Variants in KCNJ6 observed in about 807,000 individuals in gnomAD.
KCNJ6 encodes the protein potassium inwardly rectifying channel subfamily J member 6, also known as G protein-activated inward rectifier potassium channel 2.
A neutral mutation model predicts 34.2 loss-of-function variants in KCNJ6; 9 were observed. That is an observed-to-expected ratio of 0.26 (90% CI 0.16 to 0.46). The LOEUF is 0.46. KCNJ6 is among the 20% of genes least tolerant of loss of function. The pLI is 1.00. For synonymous variants in KCNJ6, 196 were observed against 207.1 expected (o/e 0.95, Z 0.46); for missense variants, 236 against 531.3 (o/e 0.44, Z 5.46).
intron 1 of KCNJ6, among the ~76,000 whole-genome samples, chr21:37,874,809 C>T (rs2055669687): frequency 6.6e-6 from 1 of 152,182 alleles, no homozygotes; most frequent in Non-Finnish European, 1.5e-5. Context: ...TTAGAAAGCC[C>T]TTTAAACACA....
intron 1 of KCNJ6, among the ~76,000 whole-genome samples, chr21:37,869,813 C>T (rs2055641206): frequency 1.3e-5 from 2 of 152,220 alleles, no homozygotes; most frequent in African/African-American, 2.4e-5. Flanking sequence ...TACCACTGGC[C>T]TATTGGTTGA....
Position 37,800,387 on chromosome 21 carries a change from T to C in KCNJ6, c.25+40271A>G, listed in dbSNP as rs947366701. 2.6e-5 allele frequency among the ~76,000 whole-genome samples: 4 copies of C among 152,184 alleles called. No homozygotes were observed. The East Asian group carries it at 5.8e-4, about 22-fold the overall frequency. On this transcript the variant is annotated intron_variant, in intron 2 of 3. Transcript: ENST00000609713. ...ACAATGAAAATGTCCAGTGTTACATTGTGGGGACTTTATCCCAAAAACTGA... is the reference window on the plus strand; with the variant it reads ...ACAATGAAAATGTCCAGTGTTACATCGTGGGGACTTTATCCCAAAAACTGA...
At chr21:37,701,888 A>C (rs1157209145) in intron 3 of KCNJ6, among the ~76,000 whole-genome samples, 1 of 152,152 alleles carries the variant, frequency 6.6e-6, no homozygotes, top group Non-Finnish European at 1.5e-5. Context: ...GTGAAAATCC[A>C]CTGGAGGGTT....
intron 2 of KCNJ6, among the ~76,000 whole-genome samples, chr21:37,824,435 G>A (rs115918468): frequency 7.6e-4 from 104 of 137,082 alleles, no homozygotes; most frequent in African/African-American, 2.7e-3. Flanking sequence ...ATTCTGTTCT[G>A]TAGATGAAAA....
chr21:37,756,365 C>G (rs907593099), intron 2 of KCNJ6, among the ~76,000 whole-genome samples: 1 of 152,216 alleles, frequency 6.6e-6, no homozygotes, highest in African/African-American at 2.4e-5. Context: ...GGGCCACAGA[C>G]CCCACGGTCA....
intron 2 of KCNJ6, among the ~76,000 whole-genome samples, chr21:37,774,069 T>A (rs2055130348): frequency 6.6e-6 from 1 of 152,178 alleles, no homozygotes; most frequent in Non-Finnish European, 1.5e-5. Flanking sequence ...TGAAGATGGA[T>A]TCTGTGTCCT....
At chr21:37,758,319 A>C (rs1041626171) in intron 2 of KCNJ6, among the ~76,000 whole-genome samples, 2 of 152,042 alleles carry the variant, frequency 1.3e-5, no homozygotes, top group African/African-American at 4.8e-5. Context: ...CATTGGTGGG[A>C]GTGTGTGTAG....
chr21:37,733,563 G>T (rs766069342), intron 2 of KCNJ6, among the ~76,000 whole-genome samples: 1 of 152,158 alleles, frequency 6.6e-6, no homozygotes, highest in Admixed American at 6.5e-5. Context: ...TTGGTCAACA[G>T]CTTATGCTAC....
chr21:37,793,612 G>A (rs746895192), intron 2 of KCNJ6, among the ~76,000 whole-genome samples: 2 of 149,978 alleles, frequency 1.3e-5, no homozygotes, highest in Non-Finnish European at 3.0e-5. Flanking sequence ...CTAAATGCCA[G>A]TCTCTCTATT....
intron 2 of KCNJ6, among the ~76,000 whole-genome samples, chr21:37,815,666 T>C (rs1279737220): frequency 6.6e-6 from 1 of 152,202 alleles, no homozygotes; most frequent in Non-Finnish European, 1.5e-5. Flanking sequence ...AGGTGGTCTA[T>C]GGAACAGCTC....
chr21:37,615,292 G>T lies in KCNJ6; in HGVS notation c.*9867C>A, dbSNP rs1412590706. 1 of 134,976 alleles carries T rather than the reference G, an allele frequency of 7.4e-6. No individual in the cohort carries two copies. Among genetic ancestry groups the T allele is most frequent in the Admixed American group, 8.0e-5 (1 of 12,472 alleles). 8.4% of individuals were successfully genotyped at this position (134,976 alleles called of 1,614,324 possible). On this transcript the variant is annotated 3_prime_UTR_variant, in exon 4 of 4. Transcript: ENST00000609713. ...TTTTGAGACGGAGTCTCGCTCTGTC[G>T]CCCAGGTCGGACTGCGGACTGCAGT...
chr21:37,834,686 TTC>T (rs1262688373), intron 2 of KCNJ6, among the ~76,000 whole-genome samples: 1 of 152,276 alleles, frequency 6.6e-6, no homozygotes, highest in Non-Finnish European at 1.5e-5. Flanking sequence ...TTGTAATTGG[TTC>T]TCTGTCTTCA....
chr21:37,834,319 C>T (rs1397139689), intron 2 of KCNJ6, among the ~76,000 whole-genome samples: 1 of 152,254 alleles, frequency 6.6e-6, no homozygotes, highest in Non-Finnish European at 1.5e-5. Flanking sequence ...TGTCTTCCTG[C>T]ATGACGTTCT....
intron 2 of KCNJ6, among the ~76,000 whole-genome samples, chr21:37,742,754 C>G (rs2054947556): frequency 6.6e-6 from 1 of 152,174 alleles, no homozygotes; most frequent in Non-Finnish European, 1.5e-5. Flanking sequence ...AGATTGGGCT[C>G]TCTCTAATTC....
At chr21:37,781,973 G>A (rs1218006027) in intron 2 of KCNJ6, among the ~76,000 whole-genome samples, 1 of 152,202 alleles carries the variant, frequency 6.6e-6, no homozygotes, top group African/African-American at 2.4e-5. Flanking sequence ...ACTTTACATG[G>A]CAAAAGGGAC....
chr21:37,801,731 A>AC (rs1555845566), intron 2 of KCNJ6, among the ~76,000 whole-genome samples: 13 of 151,576 alleles, frequency 8.6e-5, no homozygotes, highest in African/African-American at 3.1e-4. Context: ...CAGCACTGTG[A>AC]TTTTTTTTAA....
Position 37,789,973 on chromosome 21 carries a change from A to C in KCNJ6, c.25+50685T>G, listed in dbSNP as rs145831517. ...ACATACCCAGGTGTGTGAGTGATAG[A>C]GTTGGGGGAAGAGCCAGAGATCTAT... is the stretch of plus-strand genomic sequence containing the variant. On this transcript the variant is annotated intron_variant, in intron 2 of 3. Coordinates refer to ENST00000609713, the MANE Select transcript of KCNJ6 (RefSeq NM_002240.5). Among the ~76,000 whole-genome samples the C allele has an allele frequency of 5.3e-5, 8 of 152,232 alleles. No individual in the cohort carries two copies. In the East Asian group the frequency reaches 9.7e-4, roughly 18 times the overall value.
chr21:37,808,679 A>G (rs1892310016), intron 2 of KCNJ6, among the ~76,000 whole-genome samples: 1 of 152,216 alleles, frequency 6.6e-6, no homozygotes, highest in Non-Finnish European at 1.5e-5. Context: ...CTCCGGTCTT[A>G]TGGACTGATA....
At chr21:37,793,464 C>T (rs1335626954) in intron 2 of KCNJ6, among the ~76,000 whole-genome samples, 1 of 141,020 alleles carries the variant, frequency 7.1e-6, no homozygotes, top group African/African-American at 2.7e-5. Context: ...GATCAAAAGG[C>T]GTGGTTAAAG....
Sources: allele counts gnomAD v4.1 joint callset (sites outside exome capture counted in the v4.1 genomes callset), GRCh38; gene constraint gnomAD v4.1.1; transcripts MANE v1.5; gene names NCBI Gene and HGNC (gene_info 2026-07-23, HGNC 2026-07-21).